Variants in SPEN observed in about 807,000 individuals in gnomAD.
The protein encoded by SPEN is msx2-interacting protein.
SPEN carries 18 observed loss-of-function variants against 269.9 expected under a neutral mutation model. That is an observed-to-expected ratio of 0.07 (90% confidence interval 0.05 to 0.10). The LOEUF (loss-of-function observed/expected upper bound fraction) is 0.10. Ranked by LOEUF, SPEN falls within the 10% of genes least tolerant of loss-of-function variation. The pLI, the probability that SPEN is intolerant of heterozygous loss-of-function variation, is 1.00. For missense variants in SPEN, 3,822 were observed against 4,631.2 expected (o/e 0.83, Z 5.07); for synonymous variants, 1,726 against 1,765.7 (o/e 0.98, Z 0.56).
Position 15,937,842 on chromosome 1 carries a change from G to T in SPEN, c.10540G>T (p.Ala3514Ser). 1 of 1,613,956 alleles carries T rather than the reference G, an allele frequency of 6.2e-7. No homozygotes were observed. The highest frequency in any genetic ancestry group is 8.5e-7 in the Non-Finnish European group (1 of 1,179,982). The change falls in exon 13 of 15, where the codon GCC becomes TCC. Residue 3514 changes from alanine to serine, a missense_variant. Ala to Ser is a moderately conservative substitution (Grantham distance 99, BLOSUM62 1). Around this residue, in one of 16 missense-constraint regions of SPEN, gnomAD observed 103 missense variants for 215.8 expected, o/e 0.48. Transcript: ENST00000375759. This position sits in a 1 kb window ranked among gnomAD's most constrained non-coding sequence, Gnocchi z 5.7. ...CCCCATCGTGTGGCAGGGCCTGCTG[G>T]CCCTCAAGAATGACACAGCTGCTGT... ...KYPIVWQGLL[A>S]LKNDTAAVQL...
rs780849980 is a variant in SPEN at position 15,937,949 on chromosome 1, C to T, written c.10647C>T (p.Ile3549=). The T allele has an allele frequency of 5.0e-6, 8 of 1,613,794 alleles. No individual in the cohort carries two copies. Among genetic ancestry groups the T allele is most frequent in the South Asian group, 4.4e-5 (4 of 91,086 alleles). ...CTGAAGGAGGGCCCCCACTAAGGAT[C>T]GCCCAGAGGATGCGGCTGGAGGCAA... ...PLSEGGPPLR[I]AQRMRLEATQ... Residue 3549 remains isoleucine (I), a synonymous_variant, in exon 13 of 15, where the codon ATC becomes ATT. Transcript: ENST00000375759. This position sits in a 1 kb window ranked among gnomAD's most constrained non-coding sequence, Gnocchi z 5.7.
intron 6 of SPEN, among the ~76,000 whole-genome samples, chr1:15,918,101 T>A (rs16852080): frequency 0.035 from 5,306 of 152,370 alleles, 299 homozygotes; most frequent in African/African-American, 0.12. Context: ...TTCAGTAACC[T>A]ATCTGGGCTC....
intron 5 of SPEN, among the ~76,000 whole-genome samples, chr1:15,914,593 C>T (rs1333217792): frequency 2.6e-5 from 4 of 152,118 alleles, no homozygotes; most frequent in Admixed American, 6.6e-5. Context: ...GAGGTTGAGG[C>T]GGGCGGATCA....
At chr1:15,869,486 T>G (rs2070551442) in intron 1 of SPEN, among the ~76,000 whole-genome samples, 1 of 152,218 alleles carries the variant, frequency 6.6e-6, no homozygotes. Flanking sequence ...GTGGTTGTAA[T>G]GGATACATTT....
rs1570067333 is a variant in SPEN, at chr1:15,933,537, C to T, written c.7297C>T (p.Pro2433Ser). The stretch of plus-strand genomic sequence containing the variant: ...AGCATCTGTGCCCCCAGACCTTCCC[C>T]CACCTCCCCAGCCAGCACCGGTGGA... ...TKASVPPDLP[P>S]PPQPAPVDEE... is the part of the protein sequence containing the mutation. Residue 2433 changes from proline to serine, a missense_variant, in exon 11 of 15, where the codon CCA becomes TCA. Physicochemically the swap from Pro to Ser is moderately conservative, Grantham distance 74. Around this residue, in one of 16 missense-constraint regions of SPEN, gnomAD observed 727 missense variants for 737.9 expected, o/e 0.99. Transcript: ENST00000375759. The surrounding 1 kb of genome is among the most constrained non-coding windows in gnomAD (Gnocchi z 5.7). The T allele has an allele frequency of 1.9e-6, 3 of 1,613,922 alleles. No homozygotes were observed. Among genetic ancestry groups the T allele is most frequent in the African/African-American group, 2.7e-5 (2 of 75,014 alleles).
intron 1 of SPEN, among the ~76,000 whole-genome samples, chr1:15,858,924 A>T (rs1429456110): frequency 6.6e-6 from 1 of 152,308 alleles, no homozygotes; most frequent in South Asian, 2.1e-4. Flanking sequence ...ACCCTGGGCA[A>T]TAGAGAAAAA....
chr1:15,892,526 C>A (rs1358793110), intron 3 of SPEN, among the ~76,000 whole-genome samples: 1 of 152,116 alleles, frequency 6.6e-6, no homozygotes, highest in East Asian at 1.9e-4. Flanking sequence ...CTAAACCCTT[C>A]TATTCTCTTG....
chr1:15,939,551 C>G lies in SPEN; in HGVS notation c.*124C>G. 1 of 1,245,048 alleles carries G rather than the reference C, an allele frequency of 8.0e-7. No individual in the cohort carries two copies. Among genetic ancestry groups the G allele is most frequent in the Middle Eastern group, 2.0e-4 (1 of 5,006 alleles). The allele number at this position is 1,245,048 out of a possible 1,614,324, so 77.1% of individuals were successfully genotyped here. Reference sequence around the variant, plus strand: ...CAGACTCCACTGCCAGACGGCCAGCCGTTTGCTGTCCTGCCGCCCGGCTCA... The same window carrying G: ...CAGACTCCACTGCCAGACGGCCAGCGGTTTGCTGTCCTGCCGCCCGGCTCA... On this transcript the variant is annotated 3_prime_UTR_variant, in exon 15 of 15. Coordinates refer to ENST00000375759, the MANE Select transcript of SPEN (RefSeq NM_015001.3). The surrounding 1 kb of genome is among the most constrained non-coding windows in gnomAD (Gnocchi z 4.1).
chr1:15,891,690 A>G lies in SPEN; in HGVS notation c.881+15012A>G, dbSNP rs1041724974. On this transcript the variant is annotated intron_variant, in intron 3 of 14. Transcript: ENST00000375759. ...TGTTTTTAAGCGATAGGGTCTCGCT[A>G]TGTTGCCCAGGCTGGTCTAGGTCTC... 9.3e-5 allele frequency among the ~76,000 whole-genome samples: 14 copies of G among 151,324 alleles called. No homozygotes were observed. The East Asian group carries it at 1.2e-3, about 13-fold the overall frequency.
intron 1 of SPEN, among the ~76,000 whole-genome samples, chr1:15,868,601 A>T (rs1485468349): frequency 1.3e-5 from 2 of 151,614 alleles, no homozygotes; most frequent in African/African-American, 2.4e-5. Context: ...TGCCCAGCTA[A>T]TTTTTTGTAT....
rs1414658127 is a variant in SPEN, at chr1:15,928,563, G to A, written c.2323G>A (p.Glu775Lys). 1.9e-6 allele frequency: 3 copies of A among 1,614,114 alleles called. No individual in the cohort carries two copies. Among genetic ancestry groups the A allele is most frequent in the Middle Eastern group, 3.3e-4 (2 of 6,062 alleles). Residue 775 changes from glutamate (E) to lysine (K), a missense_variant, in exon 11 of 15, where the codon GAG becomes AAG. Coordinates refer to ENST00000375759, the MANE Select transcript of SPEN (RefSeq NM_015001.3). This position sits in a 1 kb window ranked among gnomAD's most constrained non-coding sequence, Gnocchi z 5.7. The stretch of plus-strand genomic sequence containing the variant: ...TAGCTCACTCTCCCCTCCAAGATAT[G>A]AGAAACTGGACAAGTCTCGTTTGGA... ...SCSSLSPPRY[E>K]KLDKSRLERY...
At position 15,932,504 on chromosome 1, in the gene SPEN, C is replaced by T; in HGVS notation, c.6264C>T (p.Asp2088=). The T allele has an allele frequency of 1.2e-6, 2 of 1,605,040 alleles. No homozygotes were observed. The highest frequency in any genetic ancestry group is 1.7e-6 in the Non-Finnish European group (2 of 1,174,728). ...CTCGAAACTCCAGGTTAGCAGTGGA[C>T]AAATCTGCAAGTCTGAAAAATGTGG... The part of the protein sequence containing the change: ...GRSRNSRLAV[D]KSASLKNVDA... Residue 2088 remains aspartate, a synonymous_variant, in exon 11 of 15, where the codon GAC becomes GAT. Coordinates refer to ENST00000375759, the MANE Select transcript of SPEN (RefSeq NM_015001.3). The surrounding 1 kb of genome is among the most constrained non-coding windows in gnomAD (Gnocchi z 4.2).
At chr1:15,885,910 T>C (rs1168500492) in intron 3 of SPEN, among the ~76,000 whole-genome samples, 1 of 152,188 alleles carries the variant, frequency 6.6e-6, no homozygotes, top group Non-Finnish European at 1.5e-5. Flanking sequence ...CTTGCATCGT[T>C]TGTTATTGTG....
chr1:15,894,005 C>T (rs992880100), intron 3 of SPEN, among the ~76,000 whole-genome samples: 1 of 152,206 alleles, frequency 6.6e-6, no homozygotes, highest in African/African-American at 2.4e-5. Flanking sequence ...CTACTGCACT[C>T]CAGCCTGGGC....
chr1:15,923,836 AT>A (rs2071141655), intron 10 of SPEN, among the ~76,000 whole-genome samples: 1 of 151,954 alleles, frequency 6.6e-6, no homozygotes, highest in South Asian at 2.1e-4. Context: ...TGCCCGGCTA[AT>A]TTTTGTATTT....
In SPEN at chr1:15,939,871, CTT is replaced by C. The variant is rs2071322286; in HGVS notation, c.*445_*446del. 8.5e-6 allele frequency: 2 copies of C among 233,936 alleles called. No individual in the cohort carries two copies. Among genetic ancestry groups the C allele is most frequent in the East Asian group, 6.0e-5 (1 of 16,586 alleles). 14.5% of individuals were successfully genotyped at this position (233,936 alleles called of 1,614,324 possible). ...TGTGTGTAGACACACATTGCAGACT[CTT>C]AACGCAGGAAGGACTTCAAACTTCT... On this transcript the variant is annotated 3_prime_UTR_variant, in exon 15 of 15. Coordinates refer to ENST00000375759, the MANE Select transcript of SPEN (RefSeq NM_015001.3). The surrounding 1 kb of genome is among the most constrained non-coding windows in gnomAD (Gnocchi z 4.1).
chr1:15,855,409 A>G (rs1233107642), intron 1 of SPEN, among the ~76,000 whole-genome samples: 3 of 151,798 alleles, frequency 2.0e-5, no homozygotes, highest in East Asian at 1.9e-4. Context: ...TTTTTTTTAC[A>G]CATCATTTAT....
intron 8 of SPEN, 105 bp downstream of exon 8, chr1:15,919,622 G>T: frequency 1.6e-6 from 1 of 630,456 alleles, no homozygotes; most frequent in South Asian, 3.0e-5. Flanking sequence ...CTTTAATAAC[G>T]AGCACATTAA....
At chr1:15,849,487 G>T (rs2070311399) in intron 1 of SPEN, among the ~76,000 whole-genome samples, 1 of 152,248 alleles carries the variant, frequency 6.6e-6, no homozygotes, top group Non-Finnish European at 1.5e-5. Flanking sequence ...GCGTGTCCGC[G>T]TGTGAAAAGG....
Sources: allele counts gnomAD v4.1 joint callset (sites outside exome capture counted in the v4.1 genomes callset), GRCh38; gene constraint gnomAD v4.1.1; regional missense constraint gnomAD v4.1.1; non-coding constraint Gnocchi (gnomAD v3.1); transcripts MANE v1.5; gene names NCBI Gene and HGNC (gene_info 2026-07-23, HGNC 2026-07-21).